ACOT11: variants seen among roughly 807,000 people sequenced by gnomAD.
The protein encoded by ACOT11 is acyl-coenzyme A thioesterase 11.
Under a neutral mutation model 77.5 loss-of-function variants are expected in ACOT11, and 69 were observed. The observed-to-expected ratio is 0.89, with a 90% CI of 0.73 to 1.09. The LOEUF (loss-of-function observed/expected upper bound fraction) is 1.09. ACOT11 is among the 50% of genes least tolerant of loss of function. The pLI, the probability that ACOT11 is intolerant of heterozygous loss-of-function variation, is 0.00. For missense variants in ACOT11, 766 were observed against 813.7 expected, an observed-to-expected ratio of 0.94 and a Z score of 0.71; for synonymous variants, 279 against 313.0, an observed-to-expected ratio of 0.89 and a Z score of 1.15.
chr1:54,610,533 C>T, downstream of ACOT11: 1 of 1,612,820 alleles, frequency 6.2e-7, no homozygotes, highest in Non-Finnish European at 8.5e-7. Flanking sequence ...CCGTGTAGTA[C>T]ATTGGTTTCC....
chr1:54,608,098 A>T, intron 15 of ACOT11, 30 bp downstream of exon 15: 1 of 1,596,430 alleles, frequency 6.3e-7, no homozygotes, highest in East Asian at 2.2e-5. Flanking sequence ...CCACGCCCCC[A>T]GCCTGGCTCC....
Position 54,584,957 on chromosome 1 carries a change from C to A in ACOT11, c.241+95C>A. 1 of 1,319,350 alleles carries A rather than the reference C, an allele frequency of 7.6e-7. No individual in the cohort carries two copies. The highest frequency in any genetic ancestry group is 1.0e-6 in the Non-Finnish European group (1 of 966,450). 81.7% of individuals were successfully genotyped at this position (1,319,350 alleles called of 1,614,324 possible). A position where few individuals can be genotyped will look rare whatever the true frequency, so the allele number is the denominator to read the frequency against. ...TGGTCACCGTCCACCCTAAGTGCCA[C>A]ACTTGTTTCTCATCTTGGCCTTTGC... is the stretch of plus-strand genomic sequence containing the variant. On this transcript the variant is annotated intron_variant, in intron 2 of 15. Transcript: ENST00000343744. This position sits in a 1 kb window ranked among gnomAD's most constrained non-coding sequence, Gnocchi z 6.3.
At chr1:54,605,053 A>G in intron 12 of ACOT11, 23 bp from the exon 13 acceptor site, 1 of 1,601,584 alleles carries the variant, frequency 6.2e-7, no homozygotes, top group South Asian at 1.1e-5. Flanking sequence ...CCAGCAAATG[A>G]GGCTGCCCTC....
At chr1:54,630,393 G>A (rs935220808) in intron 15 of ACOT11, among the ~76,000 whole-genome samples, 5 of 152,180 alleles carry the variant, frequency 3.3e-5, no homozygotes, top group African/African-American at 7.2e-5. Context: ...TAATGCCCAC[G>A]CTGGAAGGTT....
At chr1:54,633,990 G>C (rs749561431) in intron 16 of ACOT11, among the ~76,000 whole-genome samples, 10 of 152,126 alleles carry the variant, frequency 6.6e-5, no homozygotes, top group Non-Finnish European at 1.3e-4. Context: ...GACTTAGTAG[G>C]GTGGCTTTTT....
intron 6 of ACOT11, 42 bp from the exon 7 acceptor site, chr1:54,597,217 T>A: frequency 1.2e-6 from 2 of 1,603,898 alleles, no homozygotes; most frequent in South Asian, 2.2e-5. Context: ...TTGGGAATGT[T>A]CTCACCTCCC....
Position 54,609,752 on chromosome 1 carries a change from A to C in ACOT11, c.*640A>C, listed in dbSNP as rs748483127. ...GCTGGAGAGGCGTGCCAGCAAGGCC[A>C]GGGATGGCCGGAGGGCTGCGGGCTC... On this transcript the variant is annotated 3_prime_UTR_variant, in exon 16 of 16. Coordinates refer to ENST00000343744, the MANE Select transcript of ACOT11 (RefSeq NM_147161.4). 5.0e-6 allele frequency: 8 copies of C among 1,614,186 alleles called. No homozygotes were observed. In the Admixed American group the frequency reaches 1.3e-4, roughly 27 times the overall value.
chr1:54,577,073 A>T (rs1654141696), intron 1 of ACOT11, among the ~76,000 whole-genome samples: 1 of 152,202 alleles, frequency 6.6e-6, no homozygotes, highest in Non-Finnish European at 1.5e-5. Flanking sequence ...TATTTAATTT[A>T]AATTAGCAGA....
At position 54,609,984 on chromosome 1, in the gene ACOT11, A is replaced by G. The variant is rs201810227; in HGVS notation, c.*872A>G. 1.6e-4 allele frequency: 245 copies of G among 1,571,224 alleles called. 1 individual carries two copies. The African/African-American group carries it at 3.0e-3, about 19-fold the overall frequency. On this transcript the variant is annotated 3_prime_UTR_variant, in exon 16 of 16. Transcript: ENST00000343744. ...GGCAACAGTGTTTAGGATTTGGGTT[A>G]TCATAAGGTGTTAAGAGTCCCTTGT...
At chr1:54,624,035 A>C (rs2117263) in intron 15 of ACOT11, among the ~76,000 whole-genome samples, 43,117 of 152,102 alleles carry the variant, frequency 0.28, 6,780 homozygotes, top group Middle Eastern at 0.4. Flanking sequence ...GCATGCTGGC[A>C]TGGGTTACTG....
At chr1:54,575,216 C>A (rs1224157283) in intron 1 of ACOT11, among the ~76,000 whole-genome samples, 1 of 152,168 alleles carries the variant, frequency 6.6e-6, no homozygotes, top group East Asian at 1.9e-4. Context: ...AGTGCGGGAT[C>A]CCTATGTACC....
intron 16 of ACOT11, among the ~76,000 whole-genome samples, chr1:54,632,557 T>C (rs1251775545): frequency 6.6e-6 from 1 of 152,158 alleles, no homozygotes; most frequent in Non-Finnish European, 1.5e-5. Flanking sequence ...GGAGAGCGCA[T>C]AGCACAGCTC....
chr1:54,604,627 T>C (rs1034679817), intron 12 of ACOT11, among the ~76,000 whole-genome samples, 198 bp downstream of exon 12: 5 of 152,150 alleles, frequency 3.3e-5, no homozygotes, highest in African/African-American at 1.2e-4. Context: ...TAGATTCTTC[T>C]CTCCTGCCTG....
intron 16 of ACOT11, among the ~76,000 whole-genome samples, chr1:54,634,142 C>A (rs1026142372): frequency 2.6e-5 from 4 of 152,182 alleles, no homozygotes; most frequent in Non-Finnish European, 5.9e-5. Context: ...GGCACAAATA[C>A]AGCAAGCTTT....
intron 13 of ACOT11, 113 bp downstream of exon 13, chr1:54,605,322 G>A: frequency 1.4e-6 from 2 of 1,444,178 alleles, no homozygotes; most frequent in South Asian, 1.4e-5. Flanking sequence ...GGGGCTGGGG[G>A]TGGGTTGGAG....
chr1:54,589,598 G>A (rs1263211901), intron 3 of ACOT11, among the ~76,000 whole-genome samples: 2 of 152,026 alleles, frequency 1.3e-5, no homozygotes, highest in Non-Finnish European at 2.9e-5. Flanking sequence ...AGCCTCCCTA[G>A]TAGCTGGGAC....
At chr1:54,554,296 T>G in intron 1 of ACOT11, among the ~76,000 whole-genome samples, 1 of 52,334 alleles carries the variant, frequency 1.9e-5, no homozygotes, top group African/African-American at 8.8e-5. Flanking sequence ...CCATAGTGTG[T>G]GTGTGTGTGT....
intron 3 of ACOT11, among the ~76,000 whole-genome samples, chr1:54,590,005 A>G (rs1310335325): frequency 6.6e-6 from 1 of 151,776 alleles, no homozygotes; most frequent in Admixed American, 6.6e-5. Context: ...GGAGAATGGC[A>G]TGAACCCAGG....
chr1:54,579,388 G>C (rs1284430885), intron 1 of ACOT11, among the ~76,000 whole-genome samples: 1 of 152,186 alleles, frequency 6.6e-6, no homozygotes, highest in African/African-American at 2.4e-5. Flanking sequence ...TGTGTCCCGG[G>C]TATGTGTGTA....
Sources: gnomAD v4.1 joint callset for allele counts (sites outside exome capture counted in the v4.1 genomes callset) on GRCh38, gnomAD v4.1.1 for gene constraint, Gnocchi (gnomAD v3.1) non-coding constraint, MANE v1.5 for transcripts, NCBI Gene and HGNC (gene_info 2026-07-23, HGNC 2026-07-21) for gene names.